Variants in POLA1 observed in about 807,000 individuals in gnomAD.
POLA1 encodes DNA polymerase alpha 1, catalytic subunit.
In POLA1, 15 loss-of-function variants were observed where a neutral mutation model predicts 124.0. The observed-to-expected ratio is 0.12, with a 90% CI of 0.08 to 0.19. POLA1 has a LOEUF of 0.19. Among genes scored for constraint, POLA1 ranks in the 10% least tolerant of loss-of-function variants. POLA1 has a pLI of 1.00. For synonymous variants in POLA1, 408 were observed against 389.4 expected (o/e 1.05, Z -0.56); for missense variants, 886 against 1,103.4 (o/e 0.80, Z 2.79).
At chrX:24,813,843 G>A (rs2045944952) in intron 29 of POLA1, among the ~76,000 whole-genome samples, 1 of 108,997 alleles carries the variant, frequency 9.2e-6, no homozygotes, top group East Asian at 2.8e-4. Context: ...AGAATTTTTA[G>A]GTGCTTCATG....
intron 35 of POLA1, among the ~76,000 whole-genome samples, chrX:24,916,591 T>A (rs1218855736): frequency 2.7e-5 from 3 of 111,759 alleles, no homozygotes; most frequent in Non-Finnish European, 5.6e-5. Flanking sequence ...TGAGAACAAT[T>A]TTTAAAAGAG....
At chrX:24,931,879 T>C (rs961414573) in intron 36 of POLA1, among the ~76,000 whole-genome samples, 2 of 112,315 alleles carry the variant, frequency 1.8e-5, no homozygotes, top group African/African-American at 6.5e-5. Flanking sequence ...AATATCAGTA[T>C]ATTAGAACCT....
At chrX:24,712,580 T>C (rs1246215048) in intron 4 of POLA1, among the ~76,000 whole-genome samples, 1 of 112,145 alleles carries the variant, frequency 8.9e-6, no homozygotes, top group African/African-American at 3.2e-5. Flanking sequence ...TTCTTTTAAC[T>C]TGGTTTTCTT....
At chrX:24,967,904 G>A (rs767235070) in intron 36 of POLA1, among the ~76,000 whole-genome samples, 1 of 111,292 alleles carries the variant, frequency 9.0e-6, no homozygotes, top group Non-Finnish European at 1.9e-5. Context: ...CAGCTCAGTT[G>A]GCCAGTATCC....
At chrX:24,788,800 A>C in intron 26 of POLA1, 1 of 1,199,697 alleles carries the variant, frequency 8.3e-7, no homozygotes, top group East Asian at 3.0e-5. Flanking sequence ...CTGTAGCTCC[A>C]CTTCCTGTAG....
intron 26 of POLA1, among the ~76,000 whole-genome samples, chrX:24,754,235 TTTTC>T (rs757155045): frequency 5.9e-4 from 65 of 110,537 alleles, no homozygotes; most frequent in South Asian, 3.9e-4. Flanking sequence ...TTTGCAATCT[TTTTC>T]TTTCTTTCTT....
rs751379951 is a variant in POLA1, at chrX:24,907,243, G to A, written c.4164+19121G>A. On this transcript the variant is annotated intron_variant, in intron 35 of 36. Transcript: ENST00000379068. ...TACAGAAGACAGGAAAAGACTGGGA[G>A]GGGGAAAAAGGAGCCTTGGGGACCT... is the stretch of plus-strand genomic sequence containing the variant. 3.6e-5 allele frequency among the ~76,000 whole-genome samples: 4 copies of A among 110,754 alleles called. No homozygotes were observed. In the South Asian group the frequency reaches 1.2e-3, roughly 32 times the overall value.
At chrX:24,783,852 TTCTAAGTCACACTA>T (rs1315232696) in intron 26 of POLA1, among the ~76,000 whole-genome samples, 3 of 111,129 alleles carry the variant, frequency 2.7e-5, no homozygotes, top group Non-Finnish European at 5.7e-5. Context: ...AAAATTCAGT[TTCTAAGTCACACTA>T]GCCACATTTC....
At chrX:24,941,134 T>C (rs1459785331) in intron 36 of POLA1, among the ~76,000 whole-genome samples, 2 of 112,191 alleles carry the variant, frequency 1.8e-5, no homozygotes, top group African/African-American at 6.5e-5. Context: ...GTTTCAGAAG[T>C]GTTTATGCTC....
At chrX:24,713,351 G>A (rs1399293826) in intron 4 of POLA1, among the ~76,000 whole-genome samples, 1 of 111,630 alleles carries the variant, frequency 9.0e-6, no homozygotes, top group Non-Finnish European at 1.9e-5. Flanking sequence ...TAAAATTGAC[G>A]GTATTAGAAA....
chrX:24,964,075 T>TACC (rs1372181864), intron 36 of POLA1, among the ~76,000 whole-genome samples: 1 of 111,723 alleles, frequency 9.0e-6, no homozygotes, highest in Non-Finnish European at 1.9e-5. Context: ...AAGTGCTGAT[T>TACC]GGTGGGAAGC....
intron 36 of POLA1, among the ~76,000 whole-genome samples, chrX:24,964,830 A>G (rs1332886284): frequency 8.9e-6 from 1 of 111,921 alleles, no homozygotes; most frequent in African/African-American, 3.3e-5. Context: ...TTTTGTCTCA[A>G]TTTACTCCTG....
chrX:24,728,054 C>A, intron 15 of POLA1, 118 bp downstream of exon 15: 1 of 496,586 alleles, frequency 2.0e-6, no homozygotes, highest in Non-Finnish European at 3.2e-6. Flanking sequence ...TACTAATTCA[C>A]TACTAAACTC....
chrX:24,733,786 A>G lies in POLA1; in HGVS notation c.1803A>G (p.Pro601=), dbSNP rs1411510712. ...CTAAACCAAAGGACTGTATTTTTCC[A>G]TATGCTTTCAAAGAAGTCATTGAGA... ...VVSKPKDCIF[P]YAFKEVIEKK... Residue 601 remains proline (P), a synonymous_variant, in exon 17 of 37, where the codon CCA becomes CCG. Coordinates refer to ENST00000379068, the MANE Select transcript of POLA1 (RefSeq NM_001330360.2). The G allele has an allele frequency of 1.7e-6, 2 of 1,143,183 alleles. No homozygotes were observed. The highest frequency in any genetic ancestry group is 2.3e-5 in the Admixed American group (1 of 43,857). 94.2% of individuals were successfully genotyped at this position (1,143,183 alleles called of 1,213,427 possible).
chrX:24,931,477 A>T (rs2147215713), intron 36 of POLA1, among the ~76,000 whole-genome samples: 1 of 111,897 alleles, frequency 8.9e-6, no homozygotes, highest in African/African-American at 3.2e-5. Context: ...TCCATCCACA[A>T]GATAGGCTAG....
chrX:24,810,237 A>G (rs746337894), intron 27 of POLA1, among the ~76,000 whole-genome samples: 1 of 110,598 alleles, frequency 9.0e-6, no homozygotes, highest in Non-Finnish European at 1.9e-5. Flanking sequence ...TTTTTTTGGC[A>G]CTCTTCGTGT....
intron 35 of POLA1, among the ~76,000 whole-genome samples, chrX:24,905,763 A>G (rs2047358625): frequency 9.0e-6 from 1 of 111,306 alleles, no homozygotes; most frequent in Admixed American, 9.5e-5. Context: ...GGGTTTTGCC[A>G]TGTTGACCAG....
At chrX:24,915,940 G>A (rs1040412177) in intron 35 of POLA1, among the ~76,000 whole-genome samples, 1 of 111,992 alleles carries the variant, frequency 8.9e-6, no homozygotes, top group African/African-American at 3.2e-5. Flanking sequence ...AGATAAATGG[G>A]CGGTAAAAAG....
At chrX:24,836,836 T>C (rs987614870) in intron 32 of POLA1, among the ~76,000 whole-genome samples, 6 of 112,137 alleles carry the variant, frequency 5.4e-5, no homozygotes, top group African/African-American at 1.6e-4. Flanking sequence ...TATTTGCATA[T>C]AGATAATTAG....
Sources: gnomAD v4.1 joint callset for allele counts (sites outside exome capture counted in the v4.1 genomes callset) on GRCh38, gnomAD v4.1.1 for gene constraint, MANE v1.5 for transcripts, NCBI Gene and HGNC (gene_info 2026-07-23, HGNC 2026-07-21) for gene names.